Variants in RING1 observed in about 807,000 individuals in gnomAD.
The protein encoded by RING1 is E3 ubiquitin-protein ligase RING1.
A neutral mutation model predicts 35.0 loss-of-function variants in RING1; 8 were observed. That is an observed-to-expected ratio of 0.23 (90% CI 0.13 to 0.41). RING1 has a LOEUF of 0.41. Among genes scored for constraint, RING1 ranks in the 10% least tolerant of loss-of-function variants. RING1 has a pLI of 1.00. For synonymous variants in RING1, 214 were observed against 224.3 expected, an observed-to-expected ratio of 0.95 and a Z score of 0.41; for missense variants, 343 against 546.8, an observed-to-expected ratio of 0.63 and a Z score of 3.72.
At chr6:33,212,179 A>T in intron 6 of RING1, 119 bp from the exon 7 acceptor site, 7 of 897,358 alleles carry the variant, frequency 7.8e-6, no homozygotes, top group Non-Finnish European at 1.2e-5. Flanking sequence ...TATCGCTTTT[A>T]TTATTCCTTT....
rs1775493489 is a variant in RING1 at position 33,211,109 on chromosome 6, A to C, written c.456-49A>C. On this transcript the variant is annotated intron_variant, in intron 4 of 6. Coordinates refer to ENST00000374656, the MANE Select transcript of RING1 (RefSeq NM_002931.4). This position sits in a 1 kb window ranked among gnomAD's most constrained non-coding sequence, Gnocchi z 6.3. ...CTTAATTCTCTGAAGTTTAAAGTCT[A>C]AGCCCTTTATCCTGGATGCCTTCTA... 1 of 1,516,286 alleles carries C rather than the reference A, an allele frequency of 6.6e-7. No individual in the cohort carries two copies. The allele number at this position is 1,516,286 out of a possible 1,614,324, so 93.9% of individuals were successfully genotyped here. A position where few individuals can be genotyped will look rare whatever the true frequency, so the allele number is the denominator to read the frequency against.
Position 33,209,585 on chromosome 6 carries a change from C to T in RING1, c.79-41C>T, listed in dbSNP as rs1406223964. On this transcript the variant is annotated intron_variant, in intron 2 of 6. Coordinates refer to ENST00000374656, the MANE Select transcript of RING1 (RefSeq NM_002931.4). This position sits in a 1 kb window ranked among gnomAD's most constrained non-coding sequence, Gnocchi z 5.1. Reference sequence around the variant, plus strand: ...GGCTGCTGTTTCTAAAACCCCTTTCCCTCTAACCCACACCACCTTTCTACT... The same window carrying T: ...GGCTGCTGTTTCTAAAACCCCTTTCTCTCTAACCCACACCACCTTTCTACT... 1.9e-6 allele frequency: 3 copies of T among 1,591,052 alleles called. No individual in the cohort carries two copies. Among genetic ancestry groups the T allele is most frequent in the Non-Finnish European group, 2.6e-6 (3 of 1,165,924 alleles).
At position 33,208,551 on chromosome 6, in the gene RING1, C is replaced by T. The variant is rs942852552; in HGVS notation, c.-152C>T. 4.6e-6 allele frequency: 2 copies of T among 433,418 alleles called. No individual in the cohort carries two copies. Among genetic ancestry groups the T allele is most frequent in the Non-Finnish European group, 4.0e-6 (1 of 248,244 alleles). 26.8% of individuals were successfully genotyped at this position (433,418 alleles called of 1,614,324 possible). A position where few individuals can be genotyped will look rare whatever the true frequency, so the allele number is the denominator to read the frequency against. On this transcript the variant is annotated 5_prime_UTR_variant, in exon 1 of 7. Transcript: ENST00000374656. The surrounding 1 kb of genome is among the most constrained non-coding windows in gnomAD (Gnocchi z 6.2). The stretch of plus-strand genomic sequence containing the variant: ...CGGCGGCGGTGGCGGGAGCTGCTGT[C>T]TGAGCAGCGGTTGCGGACCGAGCGA...
chr6:33,211,218 GGAA>G lies in RING1; in HGVS notation c.518_520del (p.Glu173del), dbSNP rs773166594. 1 of 1,612,766 alleles carries G rather than the reference GGAA, an allele frequency of 6.2e-7. No individual in the cohort carries two copies. Among genetic ancestry groups the G allele is most frequent in the African/African-American group, 1.3e-5 (1 of 74,886 alleles). On this transcript the variant is annotated inframe_deletion, in exon 5 of 7. Transcript: ENST00000374656. This position sits in a 1 kb window ranked among gnomAD's most constrained non-coding sequence, Gnocchi z 6.3. ...ATCAGACCACAACGATGAGTGGGGG[GGAA>G]GGAGAGCCCGGGGAGGGAGAAGGGG...
At position 33,209,447 on chromosome 6, in the gene RING1, G is replaced by A. The variant is rs1384718336; in HGVS notation, c.79-179G>A. ...TCTTAGTTAATGGACACTAAAGTCT[G>A]TCTTTTCTCCATTTGCTCCAAGTCA... On this transcript the variant is annotated intron_variant, in intron 2 of 6. Transcript: ENST00000374656. The surrounding 1 kb of genome is among the most constrained non-coding windows in gnomAD (Gnocchi z 5.1). 5 of 629,770 alleles carry A rather than the reference G, an allele frequency of 7.9e-6. No homozygotes were observed. In the African/African-American group the frequency reaches 9.2e-5, roughly 12 times the overall value. 39.0% of individuals were successfully genotyped at this position (629,770 alleles called of 1,614,324 possible).
At position 33,209,820 on chromosome 6, in the gene RING1, G is replaced by T. The variant is rs751357270; in HGVS notation, c.239+34G>T. The T allele has an allele frequency of 6.2e-7, 1 of 1,604,536 alleles. No individual in the cohort carries two copies. Among genetic ancestry groups the T allele is most frequent in the South Asian group, 1.1e-5 (1 of 90,898 alleles). On this transcript the variant is annotated intron_variant, in intron 3 of 6. Coordinates refer to ENST00000374656, the MANE Select transcript of RING1 (RefSeq NM_002931.4). This position sits in a 1 kb window ranked among gnomAD's most constrained non-coding sequence, Gnocchi z 5.1. ...AGAGACATGTTTGAGATGAGATGAA[G>T]GGGTACAAAGTTAGGGCCCTCTCAC...
In RING1 at chr6:33,209,729, C is replaced by T; in HGVS notation, c.182C>T (p.Thr61Ile). The change falls in exon 3 of 7, where the codon ACC (threonine) becomes ATC (isoleucine). Residue 61 changes from threonine (T) to isoleucine (I), a missense_variant. Coordinates refer to ENST00000374656, the MANE Select transcript of RING1 (RefSeq NM_002931.4). This position sits in a 1 kb window ranked among gnomAD's most constrained non-coding sequence, Gnocchi z 5.1. ...GACATGCTGAAGAATACGATGACCA[C>T]CAAGGAGTGCCTCCACAGATTCTGC... The part of the protein sequence containing the change: ...CLDMLKNTMT[T>I]KECLHRFCSD... 2 of 1,613,448 alleles carry T rather than the reference C, an allele frequency of 1.2e-6. No individual in the cohort carries two copies. Among genetic ancestry groups the T allele is most frequent in the Non-Finnish European group, 1.7e-6 (2 of 1,180,042 alleles).
rs758229954 is a variant in RING1, at chr6:33,211,969, C to T, written c.1086C>T (p.Thr362=). 3.2e-5 allele frequency: 50 copies of T among 1,566,680 alleles called. No homozygotes were observed. In the South Asian group the frequency reaches 5.3e-4, roughly 17 times the overall value. Residue 362 remains threonine, a synonymous_variant, in exon 6 of 7, where the codon ACC becomes ACT. Transcript: ENST00000374656. The surrounding 1 kb of genome is among the most constrained non-coding windows in gnomAD (Gnocchi z 6.3). The part of the protein sequence containing the change: ...SLEGVSEKQY[T]IYIAPGGGAF... Reference sequence around the variant, plus strand: ...AGGGCGTCAGTGAAAAGCAGTACACCATCTACATCGCACCTGGAGGCGGGG... The same window carrying T: ...AGGGCGTCAGTGAAAAGCAGTACACTATCTACATCGCACCTGGAGGCGGGG...
At position 33,211,095 on chromosome 6, in the gene RING1, G is replaced by T; in HGVS notation, c.456-63G>T. On this transcript the variant is annotated intron_variant, in intron 4 of 6. Transcript: ENST00000374656. This position sits in a 1 kb window ranked among gnomAD's most constrained non-coding sequence, Gnocchi z 6.3. The stretch of plus-strand genomic sequence containing the variant: ...GATTTTTCTTATCTCTTAATTCTCT[G>T]AAGTTTAAAGTCTAAGCCCTTTATC... 1 of 1,488,638 alleles carries T rather than the reference G, an allele frequency of 6.7e-7. No homozygotes were observed. Among genetic ancestry groups the T allele is most frequent in the Non-Finnish European group, 9.0e-7 (1 of 1,113,836 alleles). The allele number at this position is 1,488,638 out of a possible 1,614,324, so 92.2% of individuals were successfully genotyped here.
Position 33,211,968 on chromosome 6 carries a change from C to G in RING1, c.1085C>G (p.Thr362Ser). Residue 362 changes from threonine (T) to serine (S), a missense_variant, in exon 6 of 7, where the codon ACC becomes AGC. Physicochemically the swap from Thr to Ser is moderately conservative, Grantham distance 58 (BLOSUM62 1). Transcript: ENST00000374656. The surrounding 1 kb of genome is among the most constrained non-coding windows in gnomAD (Gnocchi z 6.3). Reference protein sequence around the residue: ...SLEGVSEKQYTIYIAPGGGAF... With the variant: ...SLEGVSEKQYSIYIAPGGGAF... ...GAGGGCGTCAGTGAAAAGCAGTACA[C>G]CATCTACATCGCACCTGGAGGCGGG... The G allele has an allele frequency of 6.4e-7, 1 of 1,566,802 alleles. No homozygotes were observed. Among genetic ancestry groups the G allele is most frequent in the Non-Finnish European group, 8.7e-7 (1 of 1,154,578 alleles).
In RING1 at chr6:33,209,988, G is replaced by C; in HGVS notation, c.313G>C (p.Ala105Pro). ...RSLRPDPNFDALISKIYPSRE... is the reference protein window; with the variant it reads ...RSLRPDPNFDPLISKIYPSRE... ...CCTACGGCCAGACCCCAACTTTGAT[G>C]CCCTGATCTCTAAGATCTATCCTAG... is the stretch of plus-strand genomic sequence containing the variant. The change falls in exon 4 of 7, where the codon GCC becomes CCC. Residue 105 changes from alanine (A) to proline (P), a missense_variant. Ala to Pro is a conservative substitution (Grantham distance 27). Around this residue, in one of 2 missense-constraint regions of RING1, gnomAD observed 65 missense variants for 163.3 expected, o/e 0.40. Coordinates refer to ENST00000374656, the MANE Select transcript of RING1 (RefSeq NM_002931.4). The surrounding 1 kb of genome is among the most constrained non-coding windows in gnomAD (Gnocchi z 5.1). 6.2e-7 allele frequency: 1 copy of C among 1,614,190 alleles called. No individual in the cohort carries two copies. Among genetic ancestry groups the C allele is most frequent in the Non-Finnish European group, 8.5e-7 (1 of 1,180,030 alleles).
Position 33,211,808 on chromosome 6 carries a change from C to T in RING1, c.925C>T (p.Gln309Ter). 1 of 1,606,784 alleles carries T rather than the reference C, an allele frequency of 6.2e-7. No homozygotes were observed. The highest frequency in any genetic ancestry group is 8.5e-7 in the Non-Finnish European group (1 of 1,176,022). ...CCTGCGCATTGCCCTCGAGCGGAGGCAACAGCAGGAAGCAGGGGAGCCAGG... is the reference window on the plus strand; with the variant it reads ...CCTGCGCATTGCCCTCGAGCGGAGGTAACAGCAGGAAGCAGGGGAGCCAGG... ...LALRIALERR[Q>*]QQEAGEPGGP... The change falls in exon 6 of 7, where the codon CAA becomes TAA. Residue 309 changes from glutamine to a stop codon, truncating the protein, a stop_gained. Transcript: ENST00000374656. LOFTEE classifies it high-confidence loss of function. This position sits in a 1 kb window ranked among gnomAD's most constrained non-coding sequence, Gnocchi z 6.3.
chr6:33,211,326 A>G lies in RING1; in HGVS notation c.624A>G (p.Ala208=), dbSNP rs777365685. Residue 208 remains alanine (A), a synonymous_variant, in exon 5 of 7, where the codon GCA becomes GCG. Transcript: ENST00000374656. This position sits in a 1 kb window ranked among gnomAD's most constrained non-coding sequence, Gnocchi z 6.3. ...PAPKRPRGGG[A]GGSSVGTGGG... ...CCAAGCGACCCCGTGGAGGGGGCGCAGGGGGGAGCAGTGTAGGGACAGGGG... is the reference window on the plus strand; with the variant it reads ...CCAAGCGACCCCGTGGAGGGGGCGCGGGGGGGAGCAGTGTAGGGACAGGGG... 3.2e-6 allele frequency: 4 copies of G among 1,260,552 alleles called. No homozygotes were observed. The highest frequency in any genetic ancestry group is 1.2e-5 in the South Asian group (1 of 84,228). 78.1% of individuals were successfully genotyped at this position (1,260,552 alleles called of 1,614,324 possible).
At position 33,211,912 on chromosome 6, in the gene RING1, C is replaced by T. The variant is rs2854028; in HGVS notation, c.1029C>T (p.Asp343=). 363,454 of 1,597,770 alleles carry T rather than the reference C, an allele frequency of 0.23. 44,087 individuals carry two copies. The highest frequency in any genetic ancestry group is 0.34 in the South Asian group (30,116 of 89,672). The change falls in exon 6 of 7, where the codon GAC becomes GAT. Residue 343 remains aspartate, a synonymous_variant. Transcript: ENST00000374656. The surrounding 1 kb of genome is among the most constrained non-coding windows in gnomAD (Gnocchi z 6.3). ...GGEGGGAGGG[D]GPEEPALPSL... is the part of the protein sequence containing the mutation. Reference sequence around the variant, plus strand: ...AGGGTGGGGGTGCCGGAGGAGGTGACGGTCCTGAGGAGCCTGCTTTGCCCA... The same window carrying T: ...AGGGTGGGGGTGCCGGAGGAGGTGATGGTCCTGAGGAGCCTGCTTTGCCCA...
chr6:33,209,479 C>T lies in RING1; in HGVS notation c.79-147C>T. 2.8e-6 allele frequency: 2 copies of T among 726,830 alleles called. No homozygotes were observed. The highest frequency in any genetic ancestry group is 4.5e-6 in the Non-Finnish European group (2 of 442,444). The allele number at this position is 726,830 out of a possible 1,614,324, so 45.0% of individuals were successfully genotyped here. A position where few individuals can be genotyped will look rare whatever the true frequency, so the allele number is the denominator to read the frequency against. ...CTCCATTTGCTCCAAGTCATCAGTC[C>T]TTCTCTTTCTCAGAATTCTTGTCTC... On this transcript the variant is annotated intron_variant, in intron 2 of 6. Transcript: ENST00000374656. The surrounding 1 kb of genome is among the most constrained non-coding windows in gnomAD (Gnocchi z 5.1).
rs866195673 is a variant in RING1 at position 33,211,142 on chromosome 6, C to T, written c.456-16C>T. 1.8e-5 allele frequency: 28 copies of T among 1,573,810 alleles called. No homozygotes were observed. The highest frequency in any genetic ancestry group is 2.4e-5 in the Non-Finnish European group (28 of 1,155,374). On this transcript the variant is annotated splice_polypyrimidine_tract_variant and intron_variant, in intron 4 of 6. Coordinates refer to ENST00000374656, the MANE Select transcript of RING1 (RefSeq NM_002931.4). This position sits in a 1 kb window ranked among gnomAD's most constrained non-coding sequence, Gnocchi z 6.3. ...TATCCTGGATGCCTTCTAACCTTAA[C>T]CACTTGCTTCTACAGGGCCCAGCGT...
At position 33,211,723 on chromosome 6, in the gene RING1, T is replaced by C. The variant is rs200859722; in HGVS notation, c.846-6T>C. The C allele has an allele frequency of 5.1e-4, 780 of 1,538,948 alleles. No individual in the cohort carries two copies. Among genetic ancestry groups the C allele is most frequent in the Non-Finnish European group, 6.5e-4 (740 of 1,142,242 alleles). ...GGCTCTAAGCCTGTCCTCCCTCCCA[T>C]TCCAGGTATGTGAAGACAACTGGGA... On this transcript the variant is annotated splice_region_variant and splice_polypyrimidine_tract_variant and intron_variant, in intron 5 of 6. Coordinates refer to ENST00000374656, the MANE Select transcript of RING1 (RefSeq NM_002931.4). This position sits in a 1 kb window ranked among gnomAD's most constrained non-coding sequence, Gnocchi z 6.3.
Position 33,211,947 on chromosome 6 carries a change from G to C in RING1, c.1064G>C (p.Gly355Ala). ...GAGCCTGCTTTGCCCAGCCTGGAGGGCGTCAGTGAAAAGCAGTACACCATC... is the reference window on the plus strand; with the variant it reads ...GAGCCTGCTTTGCCCAGCCTGGAGGCCGTCAGTGAAAAGCAGTACACCATC... ...PEEPALPSLE[G>A]VSEKQYTIYI... The change falls in exon 6 of 7, where the codon GGC becomes GCC. Residue 355 changes from glycine to alanine, a missense_variant. By Grantham distance (60) the Gly-to-Ala change is moderately conservative (BLOSUM62 0). Transcript: ENST00000374656. The surrounding 1 kb of genome is among the most constrained non-coding windows in gnomAD (Gnocchi z 6.3). 2 of 1,591,412 alleles carry C rather than the reference G, an allele frequency of 1.3e-6. No individual in the cohort carries two copies. The highest frequency in any genetic ancestry group is 1.7e-6 in the Non-Finnish European group (2 of 1,169,048).
At chr6:33,210,223 G>C (rs1198026850) in intron 4 of RING1, 93 bp downstream of exon 4, 1 of 1,132,384 alleles carries the variant, frequency 8.8e-7, no homozygotes, top group Non-Finnish European at 1.3e-6. Flanking sequence ...CATCCTAGGA[G>C]CTGACCACAG....
Sources: gnomAD v4.1 joint callset for allele counts on GRCh38, gnomAD v4.1.1 for gene constraint, gnomAD v4.1.1 regional missense constraint, Gnocchi (gnomAD v3.1) non-coding constraint, MANE v1.5 for transcripts, NCBI Gene and HGNC (gene_info 2026-07-23, HGNC 2026-07-21) for gene names.